Variants in PTPRD observed in about 807,000 individuals in gnomAD.
PTPRD encodes the protein receptor-type tyrosine-protein phosphatase delta.
Under a neutral mutation model 214.5 loss-of-function variants are expected in PTPRD, and 34 were observed. The ratio of observed to expected loss-of-function variants is 0.16; its 90% CI spans 0.12 to 0.21. The LOEUF is 0.21. PTPRD is among the 10% of genes least tolerant of loss of function. The probability of loss-of-function intolerance (pLI) is 1.00; values close to 1 mark genes in which losing one functional copy is unlikely to be tolerated. For synonymous variants in PTPRD, 1,128 were observed against 845.7 expected (o/e 1.33, Z -5.79); for missense variants, 2,545 against 2,398.7 (o/e 1.06, Z -1.27).
At chr9:9,272,528 A>G (rs1160574767) in intron 9 of PTPRD, among the ~76,000 whole-genome samples, 2 of 151,304 alleles carry the variant, frequency 1.3e-5, no homozygotes, top group Non-Finnish European at 3.0e-5. Flanking sequence ...TAAGAAAGGT[A>G]TTTAAGGACA....
chr9:8,482,111 A>G (rs571840097), intron 30 of PTPRD, among the ~76,000 whole-genome samples: 1 of 152,168 alleles, frequency 6.6e-6, no homozygotes, highest in Non-Finnish European at 1.5e-5. Flanking sequence ...CTCTAAGCCC[A>G]CACTTCTAAC....
At chr9:9,312,656 G>A (rs950921256) in intron 9 of PTPRD, among the ~76,000 whole-genome samples, 3 of 152,136 alleles carry the variant, frequency 2.0e-5, no homozygotes, top group African/African-American at 7.2e-5. Context: ...TTTTGTCCCA[G>A]GTGGGTTCCT....
intron 9 of PTPRD, among the ~76,000 whole-genome samples, chr9:9,369,297 C>G (rs1276497804): frequency 6.6e-6 from 1 of 152,106 alleles, no homozygotes; most frequent in Non-Finnish European, 1.5e-5. Context: ...TAATGATCAC[C>G]ATTCTAACTG....
intron 12 of PTPRD, among the ~76,000 whole-genome samples, chr9:8,726,330 T>C (rs1487845924): frequency 6.6e-6 from 1 of 151,596 alleles, no homozygotes. Context: ...GGCTCACGAC[T>C]ATAATCCCAG....
At chr9:8,451,061 T>C (rs946461933) in intron 33 of PTPRD, among the ~76,000 whole-genome samples, 9 of 152,222 alleles carry the variant, frequency 5.9e-5, no homozygotes, top group South Asian at 2.1e-4. Flanking sequence ...GGTCGTTCTA[T>C]GGTTAGCCAG....
chr9:10,524,944 G>C (rs1464761045), intron 2 of PTPRD, among the ~76,000 whole-genome samples: 1 of 151,472 alleles, frequency 6.6e-6, no homozygotes, highest in Non-Finnish European at 1.5e-5. Flanking sequence ...AGCAAAATAA[G>C]TGTAATATAT....
chr9:9,803,899 A>G (rs1156484446), intron 5 of PTPRD: 4 of 152,066 alleles, frequency 2.6e-5, no homozygotes, highest in Non-Finnish European at 4.4e-5. Context: ...AGAGCATACA[A>G]GAGATCTAGA....
intron 7 of PTPRD, among the ~76,000 whole-genome samples, chr9:9,709,143 C>T (rs1031558346): frequency 4.6e-5 from 7 of 151,930 alleles, no homozygotes; most frequent in Admixed American, 2.0e-4. Context: ...TTGCAAGATT[C>T]AAATACCAAA....
chr9:8,317,963 G>C, intron 45 of PTPRD, 21 bp from the exon 46 acceptor site: 1 of 1,606,922 alleles, frequency 6.2e-7, no homozygotes, highest in South Asian at 1.1e-5. Flanking sequence ...CAATGAATGG[G>C]GAGAAGCAAA....
intron 39 of PTPRD, among the ~76,000 whole-genome samples, chr9:8,363,260 A>T (rs1176076979): frequency 2.0e-5 from 3 of 152,220 alleles, no homozygotes; most frequent in Non-Finnish European, 2.9e-5. Flanking sequence ...AGTATAATTT[A>T]AAAAACCCAG....
At chr9:10,343,632 G>A (rs914302303) in intron 2 of PTPRD, among the ~76,000 whole-genome samples, 6 of 152,070 alleles carry the variant, frequency 3.9e-5, no homozygotes, top group African/African-American at 1.4e-4. Context: ...AACATCTCCA[G>A]CATCTGTTGT....
intron 30 of PTPRD, among the ~76,000 whole-genome samples, chr9:8,481,028 C>A (rs10977150): frequency 6.6e-6 from 1 of 150,694 alleles, no homozygotes; most frequent in Non-Finnish European, 1.5e-5. Context: ...TAGTCACAGC[C>A]GCTCGAGAGG....
chr9:9,669,263 C>A (rs1027947304), intron 7 of PTPRD, among the ~76,000 whole-genome samples: 4 of 152,136 alleles, frequency 2.6e-5, no homozygotes, highest in African/African-American at 9.7e-5. Flanking sequence ...TTAACCTCTA[C>A]AGTTGGCGAG....
At chr9:9,137,788 G>T (rs1444891451) in intron 10 of PTPRD, among the ~76,000 whole-genome samples, 4 of 152,042 alleles carry the variant, frequency 2.6e-5, no homozygotes, top group Non-Finnish European at 2.9e-5. Context: ...GCATCCATTT[G>T]TCTCATGAGG....
chr9:10,299,196 C>G (rs563147500), intron 3 of PTPRD, among the ~76,000 whole-genome samples: 1 of 152,184 alleles, frequency 6.6e-6, no homozygotes, highest in African/African-American at 2.4e-5. Context: ...TAATTTCACA[C>G]TCAATATTGG....
chr9:8,712,911 G>T (rs186100567), intron 12 of PTPRD, among the ~76,000 whole-genome samples: 12,581 of 152,102 alleles, frequency 0.083, 665 homozygotes, highest in South Asian at 0.14. Flanking sequence ...TAGAGACGGG[G>T]TTTCACCATG....
intron 3 of PTPRD, among the ~76,000 whole-genome samples, chr9:10,043,606 T>G (rs1310271276): frequency 6.6e-6 from 1 of 151,860 alleles, no homozygotes; most frequent in African/African-American, 2.4e-5. Context: ...AGATGTTTTA[T>G]AGTTTAGGTC....
At chr9:8,730,409 G>A (rs1211956058) in intron 12 of PTPRD, among the ~76,000 whole-genome samples, 3 of 152,086 alleles carry the variant, frequency 2.0e-5, no homozygotes, top group Non-Finnish European at 4.4e-5. Flanking sequence ...AACCATCTGA[G>A]GAATTAAATT....
intron 8 of PTPRD, among the ~76,000 whole-genome samples, chr9:9,491,297 G>A (rs2095883566): frequency 1.3e-5 from 2 of 151,822 alleles, no homozygotes. Flanking sequence ...AGAGACATAT[G>A]AAACAAAAAC....
Sources: gnomAD v4.1 joint callset for allele counts (sites outside exome capture counted in the v4.1 genomes callset) on GRCh38, gnomAD v4.1.1 for gene constraint, MANE v1.5 for transcripts, NCBI Gene and HGNC (gene_info 2026-07-23, HGNC 2026-07-21) for gene names.